The following TEK variants were observed in gnomAD, a reference collection of about 807,000 sequenced individuals.
TEK encodes TEK receptor tyrosine kinase.
In TEK, 43 loss-of-function variants were observed where a neutral mutation model predicts 131.8. The observed-to-expected ratio is 0.33, with a 90% CI of 0.26 to 0.42. TEK has a LOEUF of 0.42. Among genes scored for constraint, TEK ranks in the 10% least tolerant of loss-of-function variants. TEK has a pLI of 1.00. For missense variants in TEK, 1,162 were observed against 1,384.4 expected (o/e 0.84, Z 2.55); for synonymous variants, 580 against 491.6 (o/e 1.18, Z -2.38).
chr9:27,113,268 A>G (rs191669064), intron 1 of TEK, among the ~76,000 whole-genome samples: 8 of 152,238 alleles, frequency 5.3e-5, no homozygotes, highest in Admixed American at 2.6e-4. Context: ...ATGCCTGTGA[A>G]ATGCTTAGCC....
chr9:27,222,643 T>G (rs1826132411), intron 21 of TEK, among the ~76,000 whole-genome samples: 1 of 152,028 alleles, frequency 6.6e-6, no homozygotes, highest in Non-Finnish European at 1.5e-5. Flanking sequence ...AAATAAATCC[T>G]TTACAGACAA....
chr9:27,144,330 A>G (rs941231996), intron 1 of TEK, among the ~76,000 whole-genome samples: 9 of 152,144 alleles, frequency 5.9e-5, no homozygotes, highest in African/African-American at 2.2e-4. Context: ...TCATGCGAAG[A>G]TGCTATGGAT....
At chr9:27,113,278 C>A (rs1366051809) in intron 1 of TEK, among the ~76,000 whole-genome samples, 1 of 152,136 alleles carries the variant, frequency 6.6e-6, no homozygotes, top group Non-Finnish European at 1.5e-5. Flanking sequence ...AATGCTTAGC[C>A]AGTGAGAACT....
chr9:27,149,223 G>C (rs955868955), intron 1 of TEK, among the ~76,000 whole-genome samples: 1 of 152,086 alleles, frequency 6.6e-6, no homozygotes, highest in African/African-American at 2.4e-5. Flanking sequence ...ACTTTTAGAT[G>C]GTGTTTAGAC....
At chr9:27,173,731 T>G (rs1454625866) in intron 6 of TEK, among the ~76,000 whole-genome samples, 2 of 132,334 alleles carry the variant, frequency 1.5e-5, no homozygotes, top group Admixed American at 8.8e-5. Flanking sequence ...TTGTTTTTTT[T>G]TTTTGGTTTT....
At chr9:27,171,378 G>T (rs1304582448) in intron 4 of TEK, among the ~76,000 whole-genome samples, 1 of 152,140 alleles carries the variant, frequency 6.6e-6, no homozygotes, top group Non-Finnish European at 1.5e-5. Flanking sequence ...AAATGTGTTG[G>T]TCATAACTCT....
At chr9:27,128,194 T>C (rs1348565957) in intron 1 of TEK, among the ~76,000 whole-genome samples, 4 of 152,222 alleles carry the variant, frequency 2.6e-5, no homozygotes, top group African/African-American at 9.6e-5. Context: ...TTTCTGCATA[T>C]GGCTAGCCAG....
intron 3 of TEK, 31 bp downstream of exon 3, chr9:27,168,636 A>G: frequency 1.4e-6 from 2 of 1,405,542 alleles, no homozygotes; most frequent in African/African-American, 2.8e-5. Flanking sequence ...TTTCCCCAGT[A>G]TGATGTGAGA....
chr9:27,157,032 T>A (rs747510185), intron 1 of TEK, among the ~76,000 whole-genome samples: 3 of 151,998 alleles, frequency 2.0e-5, no homozygotes, highest in Non-Finnish European at 4.4e-5. Flanking sequence ...AGTGAGAAAA[T>A]AACATGAGAG....
At position 27,228,286 on chromosome 9, in the gene TEK, G is replaced by C. The variant is rs1386891182; in HGVS notation, c.3281G>C (p.Arg1094Thr). The C allele has an allele frequency of 1.2e-6, 2 of 1,612,558 alleles. No homozygotes were observed. Among genetic ancestry groups the C allele is most frequent in the Non-Finnish European group, 1.7e-6 (2 of 1,178,820 alleles). Residue 1094 changes from arginine (R) to threonine (T), a missense_variant, in exon 22 of 23, where the codon AGA becomes ACA. Physicochemically the swap from Arg to Thr is moderately conservative, Grantham distance 71. This residue lies in a region of TEK where 84 missense variants were observed against 80.3 expected (regional missense o/e 1.05). Coordinates refer to ENST00000380036, the MANE Select transcript of TEK (RefSeq NM_000459.5). The stretch of plus-strand genomic sequence containing the variant: ...GCCCAGATATTGGTGTCCTTAAACA[G>C]AATGTTAGAGGAGCGAAAGGTAAGT... ...SFAQILVSLN[R>T]MLEERKTYVN...
chr9:27,220,997 T>G (rs1433924163), intron 21 of TEK, among the ~76,000 whole-genome samples: 1 of 152,138 alleles, frequency 6.6e-6, no homozygotes, highest in African/African-American at 2.4e-5. Flanking sequence ...GTGGAGCCCA[T>G]CAAGCTAAGA....
intron 8 of TEK, among the ~76,000 whole-genome samples, chr9:27,184,033 C>A (rs972083126): frequency 3.3e-5 from 5 of 152,106 alleles, no homozygotes; most frequent in South Asian, 2.1e-4. Flanking sequence ...CAAGTGCAAC[C>A]AGGACATGGA....
Position 27,229,940 on chromosome 9 carries a change from G to A in TEK, c.*708G>A, listed in dbSNP as rs1239716955. On this transcript the variant is annotated 3_prime_UTR_variant, in exon 23 of 23. Transcript: ENST00000380036. ...ACATAAGTTTAGGATAAAATAATGGGATTTTCTTTTCTTTTCTCTGGTAAT... is the reference window on the plus strand; with the variant it reads ...ACATAAGTTTAGGATAAAATAATGGAATTTTCTTTTCTTTTCTCTGGTAAT... 2 of 152,162 alleles carry A rather than the reference G, an allele frequency of 1.3e-5. No homozygotes were observed. The highest frequency in any genetic ancestry group is 2.4e-5 in the African/African-American group (1 of 41,418). 9.4% of individuals were successfully genotyped at this position (152,162 alleles called of 1,614,324 possible).
intron 1 of TEK, among the ~76,000 whole-genome samples, chr9:27,123,901 T>C (rs1484985714): frequency 6.6e-6 from 1 of 152,196 alleles, no homozygotes; most frequent in African/African-American, 2.4e-5. Context: ...CTCACCCTCC[T>C]GAGTAATTGG....
chr9:27,135,897 C>G (rs1822410853), intron 1 of TEK, among the ~76,000 whole-genome samples: 1 of 152,134 alleles, frequency 6.6e-6, no homozygotes, highest in South Asian at 2.1e-4. Flanking sequence ...GTGCAGAGCC[C>G]AAGTCACTTG....
At chr9:27,213,861 G>A (rs1825720938) in intron 18 of TEK, among the ~76,000 whole-genome samples, 1 of 152,188 alleles carries the variant, frequency 6.6e-6, no homozygotes, top group South Asian at 2.1e-4. Context: ...TGGGGTCTTG[G>A]TTCTATCCAG....
intron 9 of TEK, among the ~76,000 whole-genome samples, chr9:27,190,089 C>T (rs1824755578): frequency 6.6e-6 from 1 of 152,100 alleles, no homozygotes; most frequent in Admixed American, 6.6e-5. Flanking sequence ...GTGGAGCATT[C>T]CTTGCAGAAG....
At chr9:27,120,208 T>C (rs1821729640) in intron 1 of TEK, among the ~76,000 whole-genome samples, 1 of 152,218 alleles carries the variant, frequency 6.6e-6, no homozygotes, top group Non-Finnish European at 1.5e-5. Context: ...CAGTCCCACA[T>C]ACTATGATGG....
intron 9 of TEK, among the ~76,000 whole-genome samples, chr9:27,187,512 T>A (rs937748893): frequency 6.6e-6 from 1 of 152,146 alleles, no homozygotes; most frequent in African/African-American, 2.4e-5. Context: ...TTCAGAGCAG[T>A]TGTATTCATA....
Sources: gnomAD v4.1 joint callset for allele counts (sites outside exome capture counted in the v4.1 genomes callset) on GRCh38, gnomAD v4.1.1 for gene constraint, gnomAD v4.1.1 regional missense constraint, MANE v1.5 for transcripts, NCBI Gene and HGNC (gene_info 2026-07-23, HGNC 2026-07-21) for gene names.